The following CCSER1 variants were observed in gnomAD, a reference collection of about 807,000 sequenced individuals.
CCSER1 encodes serine-rich coiled-coil domain-containing protein 1.
A neutral mutation model predicts 82.0 loss-of-function variants in CCSER1; 41 were observed. The ratio of observed to expected loss-of-function variants is 0.50; its 90% confidence interval spans 0.39 to 0.65. The LOEUF is 0.65. Ranked by LOEUF, CCSER1 falls within the 30% of genes least tolerant of loss-of-function variation. The pLI, the probability that CCSER1 is intolerant of heterozygous loss-of-function variation, is 0.00. For missense variants in CCSER1, 1,119 were observed against 1,064.2 expected, an observed-to-expected ratio of 1.05 and a Z score of -0.72; for synonymous variants, 414 against 383.9, an observed-to-expected ratio of 1.08 and a Z score of -0.92.
chr4:91,082,102 G>A (rs1176147726), intron 9 of CCSER1, among the ~76,000 whole-genome samples: 1 of 152,170 alleles, frequency 6.6e-6, no homozygotes, highest in African/African-American at 2.4e-5. Flanking sequence ...AGCCTTCATT[G>A]CCAAGACAAT....
intron 9 of CCSER1, among the ~76,000 whole-genome samples, chr4:90,964,178 G>C (rs778543397): frequency 1.7e-3 from 251 of 152,116 alleles, no homozygotes; most frequent in Non-Finnish European, 2.6e-3. Context: ...GTTGCTTAAA[G>C]TTTTCTGTAA....
At chr4:91,511,222 T>C (rs553951638) in intron 10 of CCSER1, among the ~76,000 whole-genome samples, 1 of 152,300 alleles carries the variant, frequency 6.6e-6, no homozygotes, top group South Asian at 2.1e-4. Flanking sequence ...GTTTTGTTAT[T>C]GTAGCTTTAT....
At chr4:90,487,963 C>T (rs997424582) in intron 5 of CCSER1, among the ~76,000 whole-genome samples, 1 of 152,038 alleles carries the variant, frequency 6.6e-6, no homozygotes, top group Non-Finnish European at 1.5e-5. Flanking sequence ...TAATGAGTTG[C>T]AGTGGAGAAG....
At chr4:91,213,927 A>G (rs1427462729) in intron 10 of CCSER1, among the ~76,000 whole-genome samples, 1 of 152,164 alleles carries the variant, frequency 6.6e-6, no homozygotes, top group Non-Finnish European at 1.5e-5. Flanking sequence ...GTCTCATGCA[A>G]CAACATTCCT....
intron 9 of CCSER1, among the ~76,000 whole-genome samples, chr4:90,944,290 T>G (rs1731971417): frequency 6.6e-6 from 1 of 151,730 alleles, no homozygotes; most frequent in African/African-American, 2.4e-5. Context: ...CATTGGAAAT[T>G]TATTGTTGGT....
chr4:91,479,851 C>T lies in CCSER1; in HGVS notation c.2218-118721C>T, dbSNP rs1168665912. ...TGGTGCGCTGCACCCACTAACTCGTCATCTAGCATTAGGTATATCTCCCAA... is the reference window on the plus strand; with the variant it reads ...TGGTGCGCTGCACCCACTAACTCGTTATCTAGCATTAGGTATATCTCCCAA... On this transcript the variant is annotated intron_variant, in intron 10 of 10. Coordinates refer to ENST00000509176, the MANE Select transcript of CCSER1 (RefSeq NM_001145065.2). Among the ~76,000 whole-genome samples, 17 of 144,704 alleles carry T rather than the reference C, an allele frequency of 1.2e-4. No individual in the cohort carries two copies. The Admixed American group carries it at 1.2e-3, about 10-fold the overall frequency. 94.9% of individuals were successfully genotyped at this position (144,704 alleles called of 152,430 possible).
At chr4:90,467,995 C>T (rs1763860731) in intron 4 of CCSER1, among the ~76,000 whole-genome samples, 1 of 151,968 alleles carries the variant, frequency 6.6e-6, no homozygotes, top group Non-Finnish European at 1.5e-5. Flanking sequence ...TAGAGAAGGA[C>T]TATAAACTGT....
At chr4:90,844,488 A>T (rs1206051724) in intron 8 of CCSER1, among the ~76,000 whole-genome samples, 1 of 152,078 alleles carries the variant, frequency 6.6e-6, no homozygotes, top group Non-Finnish European at 1.5e-5. Flanking sequence ...CACACAGAGC[A>T]TGCTTCTTCC....
At chr4:90,144,700 G>A (rs928732869) in intron 1 of CCSER1, among the ~76,000 whole-genome samples, 1 of 152,058 alleles carries the variant, frequency 6.6e-6, no homozygotes, top group Non-Finnish European at 1.5e-5. Context: ...AATCAAATAG[G>A]AATTTTTGCT....
At position 90,623,096 on chromosome 4, in the gene CCSER1, C is replaced by T. The variant is rs185539235; in HGVS notation, c.1725-4929C>T. Among the ~76,000 whole-genome samples, 560 of 147,282 alleles carry T rather than the reference C, an allele frequency of 3.8e-3. 1 individual carries two copies. Among genetic ancestry groups the T allele is most frequent in the African/African-American group, 0.013 (499 of 39,478 alleles). On this transcript the variant is annotated intron_variant, in intron 5 of 10. Coordinates refer to ENST00000509176, the MANE Select transcript of CCSER1 (RefSeq NM_001145065.2). ...AGGCCAGAGTGCAGTGGCGCAATCT[C>T]GGCTTACTGCAAGCTTCGCCCCCCA...
intron 10 of CCSER1, among the ~76,000 whole-genome samples, chr4:91,429,452 G>A (rs1365979996): frequency 2.6e-5 from 4 of 151,816 alleles, no homozygotes; most frequent in Non-Finnish European, 5.9e-5. Flanking sequence ...ATAAACATTT[G>A]TTAAGAACCC....
intron 1 of CCSER1, among the ~76,000 whole-genome samples, chr4:90,285,272 A>C (rs748962557): frequency 6.6e-6 from 1 of 152,090 alleles, no homozygotes; most frequent in East Asian, 1.9e-4. Flanking sequence ...CTTCTAATTC[A>C]TGAACATGGA....
chr4:91,044,866 G>C (rs914920076), intron 9 of CCSER1, among the ~76,000 whole-genome samples: 2 of 152,130 alleles, frequency 1.3e-5, no homozygotes, highest in African/African-American at 2.4e-5. Flanking sequence ...AATTCTCCCT[G>C]TCCGAAATGC....
chr4:90,154,776 T>G (rs1412544257), intron 1 of CCSER1, among the ~76,000 whole-genome samples: 296 of 125,702 alleles, frequency 2.4e-3, no homozygotes, highest in African/African-American at 3.6e-3. Context: ...AAGGAGATTT[T>G]GGGCTGAGAC....
At chr4:90,782,143 C>T in intron 7 of CCSER1, 1 of 231,572 alleles carries the variant, frequency 4.3e-6, no homozygotes, top group Non-Finnish European at 7.1e-6. Flanking sequence ...TCCTGGTCGG[C>T]CTTCACTGAA....
intron 1 of CCSER1, among the ~76,000 whole-genome samples, chr4:90,164,258 G>GTT (rs200535473): frequency 2.1e-5 from 3 of 145,136 alleles, no homozygotes; most frequent in Admixed American, 6.9e-5. Flanking sequence ...CATTCTTAAG[G>GTT]TTTTTTTTTT....
At chr4:90,129,149 C>T (rs1722388824) in intron 1 of CCSER1, among the ~76,000 whole-genome samples, 1 of 151,772 alleles carries the variant, frequency 6.6e-6, no homozygotes, top group South Asian at 2.1e-4. Context: ...CCCTTCTCTG[C>T]CCCTCAAGGA....
intron 10 of CCSER1, among the ~76,000 whole-genome samples, chr4:91,467,114 G>C (rs887565939): frequency 6.6e-6 from 1 of 152,040 alleles, no homozygotes; most frequent in Non-Finnish European, 1.5e-5. Context: ...TATACTACAA[G>C]GCTACAGTGA....
chr4:91,345,464 A>G (rs1383587674), intron 10 of CCSER1, among the ~76,000 whole-genome samples: 3 of 152,178 alleles, frequency 2.0e-5, no homozygotes, highest in Non-Finnish European at 1.5e-5. Context: ...TTTTCAATGA[A>G]TAAGTATTTA....
Sources: gnomAD v4.1 joint callset for allele counts (sites outside exome capture counted in the v4.1 genomes callset) on GRCh38, gnomAD v4.1.1 for gene constraint, MANE v1.5 for transcripts, NCBI Gene and HGNC (gene_info 2026-07-23, HGNC 2026-07-21) for gene names.